Variants in MALL observed in about 807,000 individuals in gnomAD.
MALL encodes mal, T cell differentiation protein like, also known as MAL-like protein.
Under a neutral mutation model 10.3 loss-of-function variants are expected in MALL, and 2 were observed. The ratio of observed to expected loss-of-function variants is 0.19; its 90% CI spans 0.08 to 0.61. MALL has a LOEUF of 0.61. Among genes scored for constraint, MALL ranks in the 20% least tolerant of loss-of-function variants. The probability of loss-of-function intolerance (pLI) is 0.88; values close to 1 mark genes in which losing one functional copy is unlikely to be tolerated. For missense variants in MALL, 39 were observed against 115.2 expected, an observed-to-expected ratio of 0.34 and a Z score of 3.03; for synonymous variants, 27 against 51.8, an observed-to-expected ratio of 0.52 and a Z score of 2.05.
chr2:110,096,630 G>A (rs1678445626), intron 1 of MALL, among the ~76,000 whole-genome samples: 1 of 151,928 alleles, frequency 6.6e-6, no homozygotes, highest in Admixed American at 6.6e-5. Context: ...TCAATCAGCT[G>A]GGTGGGTGAG....
Position 110,095,940 on chromosome 2 carries a change from G to A in MALL, c.106-4170C>T, listed in dbSNP as rs1489318509. On this transcript the variant is annotated intron_variant, in intron 1 of 3. Coordinates refer to ENST00000272462, the MANE Select transcript of MALL (RefSeq NM_005434.5). ...TGATGGATTGGAATGCATCAACTAA[G>A]GTAAAATCCATGAGTTCAAAATGAT... is the stretch of plus-strand genomic sequence containing the variant. Among the ~76,000 whole-genome samples, 3 of 152,096 alleles carry A rather than the reference G, an allele frequency of 2.0e-5. No homozygotes were observed. The East Asian group carries it at 5.8e-4, about 29-fold the overall frequency.
intron 1 of MALL, among the ~76,000 whole-genome samples, chr2:110,111,126 A>G (rs1417127419): frequency 6.6e-6 from 1 of 152,200 alleles, no homozygotes; most frequent in East Asian, 1.9e-4. Context: ...TGAATGGCGA[A>G]AAGTTGAAAG....
intron 1 of MALL, among the ~76,000 whole-genome samples, chr2:110,096,764 G>GGACT (rs974253884): frequency 6.6e-6 from 1 of 150,774 alleles, no homozygotes; most frequent in Non-Finnish European, 1.5e-5. Context: ...ACGAATCTGG[G>GGACT]GACTCACAGA....
rs200489209 is a variant in MALL at position 110,106,675 on chromosome 2, A to AG, written c.105+9012dup. 1.3e-4 allele frequency among the ~76,000 whole-genome samples: 20 copies of AG among 152,248 alleles called. 1 individual carries two copies. In the East Asian group the frequency reaches 3.9e-3, roughly 29 times the overall value. ...AAATAGTTTGTCAGTTTCTTAATAA[A>AG]GCGTACACTTACTACACCACCCAGC... On this transcript the variant is annotated intron_variant, in intron 1 of 3. Transcript: ENST00000272462.
intron 1 of MALL, among the ~76,000 whole-genome samples, chr2:110,101,121 G>T (rs746290938): frequency 6.6e-6 from 1 of 152,050 alleles, no homozygotes; most frequent in Non-Finnish European, 1.5e-5. Context: ...TCCCACCCCC[G>T]TGTCACTGGC....
At chr2:110,091,398 CAG>C (rs1678359424) in intron 2 of MALL, among the ~76,000 whole-genome samples, 1 of 114,122 alleles carries the variant, frequency 8.8e-6, no homozygotes, top group African/African-American at 3.7e-5. Flanking sequence ...ATTCTCCTAA[CAG>C]GGAAGCCAGT....
intron 1 of MALL, among the ~76,000 whole-genome samples, chr2:110,101,896 A>T (rs753792667): frequency 4.6e-5 from 7 of 152,054 alleles, no homozygotes; most frequent in Non-Finnish European, 1.0e-4. Flanking sequence ...TTCCCTTTTG[A>T]CTACCTGTGT....
upstream of MALL, among the ~76,000 whole-genome samples, chr2:110,117,624 T>TGTGTGTGTGAGA (rs1292836050): frequency 8.1e-6 from 1 of 122,718 alleles, no homozygotes; most frequent in African/African-American, 3.1e-5. Flanking sequence ...TGTGTGTGTG[T>TGTGTGTGTGAGA]GAGAGAGAGA....
intron 1 of MALL, among the ~76,000 whole-genome samples, chr2:110,095,348 G>C (rs530314199): frequency 1.8e-4 from 27 of 152,170 alleles, no homozygotes; most frequent in Admixed American, 1.5e-3. Flanking sequence ...TGATTACAGC[G>C]AGCCATTTAG....
intron 1 of MALL, among the ~76,000 whole-genome samples, chr2:110,104,289 C>T (rs183839579): frequency 4.6e-5 from 7 of 152,264 alleles, no homozygotes; most frequent in South Asian, 2.1e-4. Context: ...AGCCTTCCAA[C>T]GACTGTGTCA....
At chr2:110,101,006 T>G (rs1678552412) in intron 1 of MALL, among the ~76,000 whole-genome samples, 1 of 151,748 alleles carries the variant, frequency 6.6e-6, no homozygotes, top group Non-Finnish European at 1.5e-5. Context: ...CCAGCCAGGC[T>G]GTGCTGGGTG....
chr2:110,101,399 G>A (rs1204390077), intron 1 of MALL, among the ~76,000 whole-genome samples: 1 of 152,134 alleles, frequency 6.6e-6, no homozygotes, highest in Non-Finnish European at 1.5e-5. Flanking sequence ...GTGGCTTTAA[G>A]GCTAGCAGGA....
At chr2:110,116,590 C>T (rs552939456), upstream of MALL, 20 of 152,554 alleles carry the variant, frequency 1.3e-4, no homozygotes, top group Non-Finnish European at 2.5e-4. Context: ...CCTTCCCTGG[C>T]CTTCCTTCCA....
upstream of MALL, among the ~76,000 whole-genome samples, chr2:110,117,587 ATGTGTGTGTG>A (rs3840469): frequency 1.9e-5 from 2 of 105,432 alleles, no homozygotes; most frequent in African/African-American, 4.0e-5. Context: ...GACCAAAGCA[ATGTGTGTGTG>A]TGTGTGTGTG....
At chr2:110,108,017 T>C (rs1678729978) in intron 1 of MALL, among the ~76,000 whole-genome samples, 1 of 152,144 alleles carries the variant, frequency 6.6e-6, no homozygotes, top group Non-Finnish European at 1.5e-5. Flanking sequence ...GAACACCCTG[T>C]AGGACAAAAG....
upstream of MALL, among the ~76,000 whole-genome samples, chr2:110,117,405 A>G (rs1678939362): frequency 6.6e-6 from 1 of 152,160 alleles, no homozygotes; most frequent in Non-Finnish European, 1.5e-5. Flanking sequence ...GGAGAAAATA[A>G]TACAACCCAT....
intron 1 of MALL, among the ~76,000 whole-genome samples, chr2:110,099,191 G>A (rs545897965): frequency 4.3e-4 from 65 of 152,144 alleles, no homozygotes; most frequent in African/African-American, 1.5e-3. Context: ...AACATGGAGC[G>A]CTAAGGGGAT....
At chr2:110,117,587 A>ATGTGTGTGTGTG (rs3840469), upstream of MALL, among the ~76,000 whole-genome samples, 176 of 105,480 alleles carry the variant, frequency 1.7e-3, 1 homozygote, top group African/African-American at 5.0e-3. Flanking sequence ...GACCAAAGCA[A>ATGTGTGTGTGTG]TGTGTGTGTG....
intron 1 of MALL, among the ~76,000 whole-genome samples, chr2:110,114,021 G>T (rs1020895890): frequency 6.6e-6 from 1 of 152,060 alleles, no homozygotes; most frequent in Admixed American, 6.5e-5. Context: ...ACACCAGCGT[G>T]CACTTTGCTC....
Sources: allele counts gnomAD v4.1 joint callset (sites outside exome capture counted in the v4.1 genomes callset), GRCh38; gene constraint gnomAD v4.1.1; transcripts MANE v1.5; gene names NCBI Gene and HGNC (gene_info 2026-07-23, HGNC 2026-07-21).